The following HDAC9 variants were observed in gnomAD, a reference collection of about 807,000 sequenced individuals.
HDAC9 encodes the protein MEF-2 interacting transcription repressor (MITR) protein.
HDAC9 carries 41 observed loss-of-function variants against 139.4 expected under a neutral mutation model. The ratio of observed to expected loss-of-function variants is 0.29; its 90% CI spans 0.23 to 0.38. HDAC9 has a LOEUF of 0.38. Ranked by LOEUF, HDAC9 falls within the 10% of genes least tolerant of loss-of-function variation. The probability of loss-of-function intolerance (pLI) is 1.00; values close to 1 mark genes in which losing one functional copy is unlikely to be tolerated. For synonymous variants in HDAC9, 517 were observed against 476.2 expected (o/e 1.09, Z -1.12); for missense variants, 1,147 against 1,297.0 (o/e 0.88, Z 1.78).
chr7:18,809,170 A>G (rs1793971578), intron 17 of HDAC9, among the ~76,000 whole-genome samples: 2 of 152,072 alleles, frequency 1.3e-5, no homozygotes, highest in South Asian at 4.1e-4. Context: ...CTCACTTAAT[A>G]CTATAGACCA....
At chr7:18,464,338 C>G (rs2128112929) in intron 1 of HDAC9, among the ~76,000 whole-genome samples, 1 of 152,096 alleles carries the variant, frequency 6.6e-6, no homozygotes, top group East Asian at 1.9e-4. Flanking sequence ...GGATTTCAAA[C>G]TACCATCATA....
intron 17 of HDAC9, among the ~76,000 whole-genome samples, chr7:18,797,022 G>C (rs1792861226): frequency 6.6e-6 from 1 of 152,180 alleles, no homozygotes; most frequent in Admixed American, 6.5e-5. Flanking sequence ...ATGAGTTTGA[G>C]TGTGTATTAT....
At chr7:18,797,520 T>A (rs12533274) in intron 17 of HDAC9, among the ~76,000 whole-genome samples, 121,660 of 152,128 alleles carry the variant, frequency 0.8, 49,099 homozygotes, top group Non-Finnish European at 0.83. Context: ...AGATAGTCAT[T>A]AATCTATTAT....
At chr7:18,868,454 T>A (rs1798656877) in intron 21 of HDAC9, among the ~76,000 whole-genome samples, 1 of 152,218 alleles carries the variant, frequency 6.6e-6, no homozygotes, top group African/African-American at 2.4e-5. Context: ...GAAAGGTAAT[T>A]AAGGCGTTGG....
Position 18,590,409 on chromosome 7 carries a change from G to A in HDAC9, c.338G>A (p.Arg113Lys). 6.2e-7 allele frequency: 1 copy of A among 1,609,816 alleles called. No individual in the cohort carries two copies. The highest frequency in any genetic ancestry group is 8.5e-7 in the Non-Finnish European group (1 of 1,177,974). The change falls in exon 4 of 26, where the codon AGG becomes AAG. Residue 113 changes from arginine (R) to lysine (K), a missense_variant. Transcript: ENST00000686413. ...LEKEQKLEQQ[R>K]QEQEVERHRR... ...AAGGAGCAGAAACTGGAGCAGCAGA[G>A]GCAAGAACAGGAAGTAGAGAGGCAT... is the stretch of plus-strand genomic sequence containing the variant.
At chr7:18,590,516 CTCTT>C (rs764532993) in intron 4 of HDAC9, 30 bp downstream of exon 4, 20 of 1,570,902 alleles carry the variant, frequency 1.3e-5, no homozygotes, top group Non-Finnish European at 2.6e-6. Context: ...ACGATGGACT[CTCTT>C]TCCTCATCGT....
chr7:18,852,092 T>C (rs1446403198), intron 21 of HDAC9, among the ~76,000 whole-genome samples: 1 of 152,178 alleles, frequency 6.6e-6, no homozygotes, highest in Non-Finnish European at 1.5e-5. Context: ...AGTGTCTCAA[T>C]TTAGCCTTTG....
intron 2 of HDAC9, among the ~76,000 whole-genome samples, chr7:18,243,996 A>G (rs1584808789): frequency 1.3e-5 from 2 of 152,316 alleles, no homozygotes; most frequent in Middle Eastern, 3.4e-3. Context: ...CAGATAAACT[A>G]TGGGGGAGAA....
intron 2 of HDAC9, among the ~76,000 whole-genome samples, chr7:18,582,499 A>G (rs998984139): frequency 1.3e-5 from 2 of 151,908 alleles, no homozygotes; most frequent in Non-Finnish European, 2.9e-5. Flanking sequence ...TATTTTGACT[A>G]CATTGCTTAT....
At chr7:18,874,000 TG>T (rs1554387902) in intron 21 of HDAC9, among the ~76,000 whole-genome samples, 1,617 of 54,862 alleles carry the variant, frequency 0.029, 18 homozygotes, top group Admixed American at 0.038. Context: ...TATTTAAAAA[TG>T]TTTTTTTTTT....
chr7:18,825,635 A>G (rs1795365232), intron 17 of HDAC9, among the ~76,000 whole-genome samples: 2 of 151,698 alleles, frequency 1.3e-5, no homozygotes, highest in African/African-American at 2.4e-5. Flanking sequence ...AATGTTGACT[A>G]TTAAAAGGAG....
At chr7:18,355,893 G>T (rs1783220861) in intron 1 of HDAC9, among the ~76,000 whole-genome samples, 1 of 152,146 alleles carries the variant, frequency 6.6e-6, no homozygotes, top group Non-Finnish European at 1.5e-5. Context: ...GTAGACTCGT[G>T]ATTTCCAAGG....
intron 1 of HDAC9, among the ~76,000 whole-genome samples, chr7:18,374,251 TTATA>T (rs906663750): frequency 1.9e-4 from 29 of 150,894 alleles, no homozygotes; most frequent in African/African-American, 6.8e-4. Flanking sequence ...AGTTTAGAAG[TTATA>T]TATATATGTA....
At chr7:18,668,260 T>A (rs1444025609) in intron 12 of HDAC9, 1 of 954,342 alleles carries the variant, frequency 1.0e-6, no homozygotes, top group Non-Finnish European at 1.2e-6. Flanking sequence ...ATAGCTATAA[T>A]AGGAACACTC....
intron 2 of HDAC9, among the ~76,000 whole-genome samples, chr7:18,231,853 C>G (rs1562774001): frequency 2.6e-5 from 4 of 152,250 alleles, no homozygotes; most frequent in Non-Finnish European, 5.9e-5. Flanking sequence ...GTAATTTTCT[C>G]TAAGTTTTTC....
At chr7:18,770,445 A>G (rs1790190085) in intron 16 of HDAC9, among the ~76,000 whole-genome samples, 2 of 152,164 alleles carry the variant, frequency 1.3e-5, no homozygotes, top group African/African-American at 4.8e-5. Flanking sequence ...ATCACTAAAA[A>G]TAGTGATCAT....
intron 2 of HDAC9, among the ~76,000 whole-genome samples, chr7:18,528,471 CT>C (rs962358111): frequency 2.6e-5 from 4 of 152,024 alleles, no homozygotes; most frequent in Admixed American, 2.6e-4. Context: ...ACCAAATGGA[CT>C]GTCAGATCCT....
At chr7:18,353,210 C>T (rs1295316610) in intron 1 of HDAC9, among the ~76,000 whole-genome samples, 5 of 151,968 alleles carry the variant, frequency 3.3e-5, no homozygotes, top group Admixed American at 2.6e-4. Context: ...TACAAAGAAA[C>T]TTCTTTATAA....
At chr7:18,176,210 G>A (rs1788890077) in intron 2 of HDAC9, among the ~76,000 whole-genome samples, 1 of 152,190 alleles carries the variant, frequency 6.6e-6, no homozygotes, top group Admixed American at 6.5e-5. Flanking sequence ...CAGTTTTTCG[G>A]TCTGCTGTTA....
Sources: allele counts gnomAD v4.1 joint callset (sites outside exome capture counted in the v4.1 genomes callset), GRCh38; gene constraint gnomAD v4.1.1; transcripts MANE v1.5; gene names NCBI Gene and HGNC (gene_info 2026-07-23, HGNC 2026-07-21).